The following MAP4K3 variants were observed in gnomAD, a reference collection of about 807,000 sequenced individuals.
MAP4K3 encodes mitogen-activated protein kinase kinase kinase kinase 3.
A neutral mutation model predicts 143.5 loss-of-function variants in MAP4K3; 94 were observed. The observed-to-expected ratio is 0.65, with a 90% CI of 0.55 to 0.78. MAP4K3 has a LOEUF of 0.78. Among genes scored for constraint, MAP4K3 ranks in the 30% least tolerant of loss-of-function variants. The pLI is 0.00. For synonymous variants in MAP4K3, 416 were observed against 347.2 expected (o/e 1.20, Z -2.20); for missense variants, 1,077 against 1,068.1 (o/e 1.01, Z -0.12).
At chr2:39,288,934 C>T (rs754860198) in intron 19 of MAP4K3, among the ~76,000 whole-genome samples, 3 of 152,138 alleles carry the variant, frequency 2.0e-5, no homozygotes, top group African/African-American at 7.2e-5. Flanking sequence ...TGCCTGTAGT[C>T]CCAGCTACTC....
intron 28 of MAP4K3, among the ~76,000 whole-genome samples, chr2:39,264,128 T>G (rs1431895246): frequency 6.6e-6 from 1 of 152,074 alleles, no homozygotes; most frequent in Non-Finnish European, 1.5e-5. Flanking sequence ...TGATGAAAAA[T>G]CAAACTGTGT....
rs989668249 is a variant in MAP4K3, at chr2:39,292,993, C to T, written c.1218-167G>A. Reference sequence around the variant, plus strand: ...AAACAAGGAACTGGGAGCGGTGGATCGTGATGTCCGTTACTAGGGAGGATG... The same window carrying T: ...AAACAAGGAACTGGGAGCGGTGGATTGTGATGTCCGTTACTAGGGAGGATG... On this transcript the variant is annotated intron_variant, in intron 17 of 33. Transcript: ENST00000263881. Among the ~76,000 whole-genome samples, 5 of 152,152 alleles carry T rather than the reference C, an allele frequency of 3.3e-5. No homozygotes were observed. In the South Asian group the frequency reaches 6.2e-4, roughly 19 times the overall value.
At position 39,258,539 on chromosome 2, in the gene MAP4K3, G is replaced by T; in HGVS notation, c.2357C>A (p.Thr786Asn). 1 of 1,613,518 alleles carries T rather than the reference G, an allele frequency of 6.2e-7. No homozygotes were observed. Reference protein sequence around the residue: ...VTHVTQLERDTILVCLDCCIK... With the variant: ...VTHVTQLERDNILVCLDCCIK... ...CTTACAGTCCAAGCATACAAGGATG[G>T]TATCTCTCTCCAGTTGGGTTACATG... The change falls in exon 30 of 34, where the codon ACC becomes AAC. Residue 786 changes from threonine to asparagine, a missense_variant. Thr to Asn is a moderately conservative substitution (Grantham distance 65, BLOSUM62 0). This residue lies in a region of MAP4K3 where 864 missense variants were observed against 801.2 expected (regional missense o/e 1.08). Transcript: ENST00000263881.
In MAP4K3 at chr2:39,437,071, G is replaced by A. The variant is rs1368264951; in HGVS notation, c.-84C>T. ...GGCCACACGGAGAGAGGGCGCCGCG[G>A]CCGGCTCCCGGCTCCCCCGGCGGTC... On this transcript the variant is annotated 5_prime_UTR_variant, in exon 1 of 34. Coordinates refer to ENST00000263881, the MANE Select transcript of MAP4K3 (RefSeq NM_003618.4). The A allele has an allele frequency of 3.0e-5, 31 of 1,021,382 alleles. No homozygotes were observed. The highest frequency in any genetic ancestry group is 4.1e-5 in the Non-Finnish European group (30 of 727,444). 63.3% of individuals were successfully genotyped at this position (1,021,382 alleles called of 1,614,324 possible).
At chr2:39,392,183 C>CAAAAAAAAAAAAAAAAAA (rs3086434) in intron 1 of MAP4K3, among the ~76,000 whole-genome samples, 2 of 69,036 alleles carry the variant, frequency 2.9e-5, no homozygotes, top group African/African-American at 1.1e-4. Flanking sequence ...CACTCCTACT[C>CAAAAAAAAAAAAAAAAAA]AAAAAAAAAA....
intron 2 of MAP4K3, among the ~76,000 whole-genome samples, chr2:39,363,105 C>G (rs1281866897): frequency 6.6e-6 from 1 of 152,146 alleles, no homozygotes; most frequent in East Asian, 1.9e-4. Flanking sequence ...AACCATAAAA[C>G]TCTTATAGAA....
At chr2:39,378,174 G>C (rs976432957) in intron 1 of MAP4K3, 51 bp from the exon 2 acceptor site, 2 of 1,049,016 alleles carry the variant, frequency 1.9e-6, no homozygotes, top group African/African-American at 3.3e-5. Flanking sequence ...TTCATAAAAA[G>C]TGTATAAAAT....
chr2:39,309,148 A>T, intron 14 of MAP4K3, among the ~76,000 whole-genome samples: 1 of 152,126 alleles, frequency 6.6e-6, no homozygotes, highest in Non-Finnish European at 1.5e-5. Flanking sequence ...TTTAAAGACA[A>T]GGTCTCACAC....
intron 12 of MAP4K3, among the ~76,000 whole-genome samples, chr2:39,322,675 G>GTTT (rs1209879285): frequency 7.5e-6 from 1 of 133,524 alleles, no homozygotes; most frequent in African/African-American, 2.7e-5. Context: ...TCTATTTTTT[G>GTTT]TTTTTTTTTT....
rs1002489587 is a variant in MAP4K3 at position 39,334,027 on chromosome 2, A to G, written c.415-453T>C. 4.7e-5 allele frequency among the ~76,000 whole-genome samples: 7 copies of G among 150,152 alleles called. No individual in the cohort carries two copies. In the Admixed American group the frequency reaches 4.7e-4, roughly 10 times the overall value. On this transcript the variant is annotated intron_variant, in intron 6 of 33. Coordinates refer to ENST00000263881, the MANE Select transcript of MAP4K3 (RefSeq NM_003618.4). ...TTTAAAAGAACCTCCCTTTCTAGGAACTCACCATCAATTGAACCAGGGTTG... is the reference window on the plus strand; with the variant it reads ...TTTAAAAGAACCTCCCTTTCTAGGAGCTCACCATCAATTGAACCAGGGTTG...
intron 15 of MAP4K3, among the ~76,000 whole-genome samples, chr2:39,302,026 AAAT>A (rs992959718): frequency 2.0e-5 from 3 of 152,120 alleles, no homozygotes; most frequent in Non-Finnish European, 4.4e-5. Context: ...CTGTCTCAAA[AAAT>A]AATAATAAAA....
chr2:39,432,277 G>A (rs759606870), intron 1 of MAP4K3, among the ~76,000 whole-genome samples: 1 of 152,132 alleles, frequency 6.6e-6, no homozygotes, highest in Non-Finnish European at 1.5e-5. Flanking sequence ...CAGATCAAAG[G>A]CTGGAGGTAA....
At chr2:39,344,898 A>G (rs1378166300) in intron 3 of MAP4K3, among the ~76,000 whole-genome samples, 2 of 152,234 alleles carry the variant, frequency 1.3e-5, no homozygotes, top group African/African-American at 4.8e-5. Flanking sequence ...AAGAGACAGT[A>G]GCAGGAAATA....
intron 13 of MAP4K3, 56 bp from the exon 14 acceptor site, chr2:39,309,575 T>TTTTTTGGGA: frequency 9.9e-7 from 1 of 1,009,300 alleles, no homozygotes; most frequent in Non-Finnish European, 1.4e-6. Context: ...TTTTTTTTTT[T>TTTTTTGGGA]GAGGCAGAGT....
Position 39,345,321 on chromosome 2 carries a change from C to T in MAP4K3, c.246-1869G>A, listed in dbSNP as rs1207933582. Among the ~76,000 whole-genome samples the T allele has an allele frequency of 2.3e-5, 3 of 129,306 alleles. 1 individual carries two copies. The highest frequency in any genetic ancestry group is 5.9e-5 in the African/African-American group (2 of 33,758). The allele number at this position is 129,306 out of a possible 152,430, so 84.8% of individuals were successfully genotyped here. A position where few individuals can be genotyped will look rare whatever the true frequency, so the allele number is the denominator to read the frequency against. On this transcript the variant is annotated intron_variant, in intron 3 of 33. Coordinates refer to ENST00000263881, the MANE Select transcript of MAP4K3 (RefSeq NM_003618.4). ...GTCGGGGGGAAGGTGCAGGGCGGGG[C>T]GGGGCGTATTATTTGAGCCCAGGAG...
rs202227023 is a variant in MAP4K3, at chr2:39,280,327, A to G, written c.1659T>C (p.Asn553=). 1.3e-4 allele frequency: 205 copies of G among 1,605,340 alleles called. 1 individual carries two copies. Among genetic ancestry groups the G allele is most frequent in the Non-Finnish European group, 1.7e-4 (199 of 1,174,760 alleles). Residue 553 remains asparagine (N), a synonymous_variant, in exon 23 of 34, where the codon AAT becomes AAC. Coordinates refer to ENST00000263881, the MANE Select transcript of MAP4K3 (RefSeq NM_003618.4). ...HMGACFSKVF[N]GCPLKIHCAS... Reference sequence around the variant, plus strand: ...CACAGTGAATTTTCAAGGGACACCCATTAAAAACTTTTGAAAAACATGCAC... The same window carrying G: ...CACAGTGAATTTTCAAGGGACACCCGTTAAAAACTTTTGAAAAACATGCAC...
chr2:39,386,048 A>C (rs1666497046), intron 1 of MAP4K3, among the ~76,000 whole-genome samples: 1 of 152,212 alleles, frequency 6.6e-6, no homozygotes, highest in Non-Finnish European at 1.5e-5. Flanking sequence ...CCCAACCCCC[A>C]GCACTTTAGA....
intron 28 of MAP4K3, among the ~76,000 whole-genome samples, chr2:39,261,933 T>C (rs1680584532): frequency 6.6e-6 from 1 of 152,136 alleles, no homozygotes; most frequent in South Asian, 2.1e-4. Context: ...GTTTCCTTTG[T>C]AAAAAAGAAG....
intron 1 of MAP4K3, among the ~76,000 whole-genome samples, chr2:39,407,152 G>T (rs538034433): frequency 5.5e-4 from 83 of 152,044 alleles, no homozygotes; most frequent in Admixed American, 7.2e-4. Context: ...GAATAAAAAA[G>T]TAAATAAAAT....
Sources: allele counts gnomAD v4.1 joint callset (sites outside exome capture counted in the v4.1 genomes callset), GRCh38; gene constraint gnomAD v4.1.1; regional missense constraint gnomAD v4.1.1; transcripts MANE v1.5; gene names NCBI Gene and HGNC (gene_info 2026-07-23, HGNC 2026-07-21).